The following ADAMTS9 variants were observed in gnomAD, a reference collection of about 807,000 sequenced individuals.
The protein encoded by ADAMTS9 is A disintegrin and metalloproteinase with thrombospondin motifs 9.
Under a neutral mutation model 257.1 loss-of-function variants are expected in ADAMTS9, and 107 were observed. The observed-to-expected ratio is 0.42, with a 90% CI of 0.36 to 0.49. ADAMTS9 has a LOEUF of 0.49. ADAMTS9 is among the 20% of genes least tolerant of loss of function. The probability of loss-of-function intolerance (pLI) is 0.03; values close to 1 mark genes in which losing one functional copy is unlikely to be tolerated. For missense variants in ADAMTS9, 2,353 were observed against 2,469.1 expected (o/e 0.95, Z 1.00); for synonymous variants, 982 against 880.9 (o/e 1.11, Z -2.03).
intron 28 of ADAMTS9, chr3:64,588,753 A>G (rs1444652712): frequency 6.6e-6 from 1 of 152,210 alleles, no homozygotes. Context: ...TAGCATCAGA[A>G]GGCAGGATCA....
In ADAMTS9 at chr3:64,541,358, A is replaced by T; in HGVS notation, c.5349T>A (p.His1783Gln). 1.2e-6 allele frequency: 2 copies of T among 1,614,132 alleles called. No homozygotes were observed. Among genetic ancestry groups the T allele is most frequent in the Non-Finnish European group, 1.7e-6 (2 of 1,180,028 alleles). ...CCTCGGAGAAATTCTCAGAGTCTCC[A>T]TGCACCAGTGTCACGTACTCTTTGG... is the stretch of plus-strand genomic sequence containing the variant. ...DHPKEYVTLV[H>Q]GDSENFSEVY... The change falls in exon 35 of 40, where the codon CAT (histidine) becomes CAA (glutamine). Residue 1783 changes from histidine (H) to glutamine (Q), a missense_variant. Physicochemically the swap from His to Gln is conservative, Grantham distance 24. Around this residue, in one of 3 missense-constraint regions of ADAMTS9, gnomAD observed 1,402 missense variants for 1,441.4 expected, o/e 0.97. Transcript: ENST00000498707.
chr3:64,574,561 A>G (rs1471373240), intron 28 of ADAMTS9, among the ~76,000 whole-genome samples: 1 of 147,948 alleles, frequency 6.8e-6, no homozygotes, highest in Non-Finnish European at 1.5e-5. Flanking sequence ...CATCTCTACA[A>G]AAAAAAAAAA....
Position 64,568,461 on chromosome 3 carries a change from T to C in ADAMTS9, c.4431A>G (p.Glu1477=). ...TAGCCAGGTGCTTACAGTAATCACT[T>C]TCTAAATGGCTTCCATCTTTTGCCA... The part of the protein sequence containing the change: ...YCMAKDGSHL[E]SDYCKHLAKP... The change falls in exon 29 of 40, where the codon GAA becomes GAG. Residue 1477 remains glutamate, a synonymous_variant. Transcript: ENST00000498707. The C allele has an allele frequency of 6.2e-7, 1 of 1,614,154 alleles. No homozygotes were observed. The highest frequency in any genetic ancestry group is 8.5e-7 in the Non-Finnish European group (1 of 1,179,986).
intron 12 of ADAMTS9, among the ~76,000 whole-genome samples, chr3:64,640,079 A>G (rs1467531617): frequency 6.6e-6 from 1 of 152,200 alleles, no homozygotes; most frequent in African/African-American, 2.4e-5. Context: ...AACTAATTCA[A>G]AATATAGGCT....
chr3:64,667,485 C>T (rs187353735), intron 3 of ADAMTS9, among the ~76,000 whole-genome samples: 2 of 152,050 alleles, frequency 1.3e-5, no homozygotes, highest in African/African-American at 2.4e-5. Context: ...GAAGGGCGTG[C>T]GAGTGGAAGG....
chr3:64,660,721 C>T (rs1194720546), intron 3 of ADAMTS9, among the ~76,000 whole-genome samples: 1 of 151,952 alleles, frequency 6.6e-6, no homozygotes, highest in East Asian at 1.9e-4. Flanking sequence ...CCTCACAGTG[C>T]AAGAGTAGTG....
At position 64,654,429 on chromosome 3, in the gene ADAMTS9, G is replaced by T. The variant is rs1340320874; in HGVS notation, c.1240C>A (p.Pro414Thr). 36 of 1,613,954 alleles carry T rather than the reference G, an allele frequency of 2.2e-5. No individual in the cohort carries two copies. The highest frequency in any genetic ancestry group is 2.9e-5 in the Non-Finnish European group (34 of 1,180,016). Residue 414 changes from proline (P) to threonine (T), a missense_variant, in exon 8 of 40, where the codon CCC becomes ACC. Coordinates refer to ENST00000498707, the MANE Select transcript of ADAMTS9 (RefSeq NM_182920.2). ...GLAELGTICD[P>T]YRSCSISEDS... ...TCACTAATAGAACAGCTTCTATAGG[G>T]ATCACAAATGGTTCCCAGTTCAGCC...
At chr3:64,563,554 T>C (rs1351691147) in intron 29 of ADAMTS9, among the ~76,000 whole-genome samples, 1 of 152,206 alleles carries the variant, frequency 6.6e-6, no homozygotes, top group Admixed American at 6.5e-5. Flanking sequence ...ATGAAACCTC[T>C]TTTTGAAGCT....
intron 3 of ADAMTS9, among the ~76,000 whole-genome samples, chr3:64,678,567 G>C (rs562578680): frequency 6.6e-6 from 1 of 152,148 alleles, no homozygotes; most frequent in Admixed American, 6.5e-5. Context: ...ACTTCTAAAG[G>C]TCACTTTTGG....
intron 28 of ADAMTS9, chr3:64,583,005 A>G (rs1205098387): frequency 6.6e-6 from 1 of 152,260 alleles, no homozygotes; most frequent in Non-Finnish European, 1.5e-5. Context: ...TGTTTGAAAC[A>G]TAAACTTAAA....
intron 16 of ADAMTS9, among the ~76,000 whole-genome samples, chr3:64,625,564 C>T (rs551422950): frequency 6.6e-6 from 1 of 152,272 alleles, no homozygotes; most frequent in South Asian, 2.1e-4. Flanking sequence ...TGACGCAGGG[C>T]TATTCATTCC....
At chr3:64,643,442 ATAATT>A (rs1195655250) in intron 11 of ADAMTS9, among the ~76,000 whole-genome samples, 11 of 111,890 alleles carry the variant, frequency 9.8e-5, no homozygotes, top group African/African-American at 3.2e-4. Context: ...ACATTACTCA[ATAATT>A]TTTTTTTTTT....
intron 13 of ADAMTS9, 34 bp downstream of exon 13, chr3:64,633,664 G>A: frequency 6.2e-7 from 1 of 1,613,660 alleles, no homozygotes; most frequent in Non-Finnish European, 8.5e-7. Flanking sequence ...GTGCCGGCCG[G>A]CCAACGGTGA....
intron 38 of ADAMTS9, among the ~76,000 whole-genome samples, chr3:64,527,474 TG>T (rs1046096039): frequency 6.6e-6 from 1 of 152,104 alleles, no homozygotes; most frequent in African/African-American, 2.4e-5. Context: ...CAAGCTGAGT[TG>T]GGGGTGGAGG....
At chr3:64,552,500 C>T (rs1276047728) in intron 30 of ADAMTS9, among the ~76,000 whole-genome samples, 1 of 152,080 alleles carries the variant, frequency 6.6e-6, no homozygotes, top group Non-Finnish European at 1.5e-5. Flanking sequence ...GGATTGAATA[C>T]CCTGTTGGCA....
chr3:64,589,510 C>T (rs1002672260), intron 28 of ADAMTS9: 8 of 152,160 alleles, frequency 5.3e-5, no homozygotes, highest in African/African-American at 1.2e-4. Context: ...TGGGTTAAAA[C>T]AAGAGGGTTA....
chr3:64,655,794 G>A lies in ADAMTS9; in HGVS notation c.1051C>T (p.Gln351Ter). 2.6e-6 allele frequency: 4 copies of A among 1,568,524 alleles called. No individual in the cohort carries two copies. Among genetic ancestry groups the A allele is most frequent in the Non-Finnish European group, 3.5e-6 (4 of 1,158,142 alleles). ...IVNLIVIHNE[Q>*]DGPSISFNAQ... ...AAAAAAGAAAAAAACTTTATTACCT[G>A]TTCATTATGAATCACAATTAAGTTC... is the stretch of plus-strand genomic sequence containing the variant. Residue 351 changes from glutamine to a stop codon, truncating the protein, a stop_gained and splice_region_variant, in exon 5 of 40, where the codon CAG becomes TAG. Transcript: ENST00000498707. LOFTEE classifies it high-confidence loss of function.
intron 28 of ADAMTS9, among the ~76,000 whole-genome samples, chr3:64,570,729 T>G (rs934789947): frequency 6.6e-6 from 1 of 150,892 alleles, no homozygotes; most frequent in Non-Finnish European, 1.5e-5. Flanking sequence ...AAAAGATGTA[T>G]TTTTTTGAAG....
At chr3:64,667,570 C>T (rs993479355) in intron 3 of ADAMTS9, among the ~76,000 whole-genome samples, 1 of 152,136 alleles carries the variant, frequency 6.6e-6, no homozygotes, top group Admixed American at 6.5e-5. Context: ...CCCCTCAATA[C>T]CTTCTAAGGG....
Sources: allele counts gnomAD v4.1 joint callset (sites outside exome capture counted in the v4.1 genomes callset), GRCh38; gene constraint gnomAD v4.1.1; regional missense constraint gnomAD v4.1.1; transcripts MANE v1.5; gene names NCBI Gene and HGNC (gene_info 2026-07-23, HGNC 2026-07-21).